The following MAP2K5 variants were observed in gnomAD, a reference collection of about 807,000 sequenced individuals.
MAP2K5 encodes the protein mitogen-activated protein kinase kinase 5, also known as dual specificity mitogen-activated protein kinase kinase 5.
A neutral mutation model predicts 83.1 loss-of-function variants in MAP2K5; 49 were observed. The ratio of observed to expected loss-of-function variants is 0.59; its 90% CI spans 0.47 to 0.75. The LOEUF is 0.75. Ranked by LOEUF, MAP2K5 falls within the 30% of genes least tolerant of loss-of-function variation. The probability of loss-of-function intolerance (pLI) is 0.00; values close to 1 mark genes in which losing one functional copy is unlikely to be tolerated. For synonymous variants in MAP2K5, 202 were observed against 191.8 expected, an observed-to-expected ratio of 1.05 and a Z score of -0.44; for missense variants, 457 against 557.5, an observed-to-expected ratio of 0.82 and a Z score of 1.82.
chr15:67,799,575 T>C (rs767227771), intron 21 of MAP2K5, among the ~76,000 whole-genome samples: 1 of 152,256 alleles, frequency 6.6e-6, no homozygotes, highest in Admixed American at 6.5e-5. Context: ...TCAGCTTTAC[T>C]TCTATACAAA....
Position 67,630,181 on chromosome 15 carries a change from C to A in MAP2K5, c.546-707C>A, listed in dbSNP as rs114150257. On this transcript the variant is annotated intron_variant, in intron 8 of 21. Coordinates refer to ENST00000178640, the MANE Select transcript of MAP2K5 (RefSeq NM_145160.3). Reference sequence around the variant, plus strand: ...CTGAGGAGTTTGAGGCTGCAGTGATCTGTGATTATGCCACTGTGTTCCAGC... The same window carrying A: ...CTGAGGAGTTTGAGGCTGCAGTGATATGTGATTATGCCACTGTGTTCCAGC... 8.2e-3 allele frequency among the ~76,000 whole-genome samples: 1,248 copies of A among 152,294 alleles called. 21 individuals carry two copies. Among genetic ancestry groups the A allele is most frequent in the African/African-American group, 0.029 (1,199 of 41,564 alleles).
At position 67,640,579 on chromosome 15, in the gene MAP2K5, G is replaced by A. The variant is rs779067336; in HGVS notation, c.586-5652G>A. The A allele has an allele frequency of 4.1e-6, 4 of 985,046 alleles. No individual in the cohort carries two copies. Among genetic ancestry groups the A allele is most frequent in the African/African-American group, 1.7e-5 (1 of 57,212 alleles). 61.0% of individuals were successfully genotyped at this position (985,046 alleles called of 1,614,324 possible). ...AACTGAATCACCTGCAGGGTCTGAC[G>A]CCTGCATGGAATGATGAGGGAAATT... On this transcript the variant is annotated intron_variant, in intron 9 of 21. Coordinates refer to ENST00000178640, the MANE Select transcript of MAP2K5 (RefSeq NM_145160.3). The surrounding 1 kb of genome is among the most constrained non-coding windows in gnomAD (Gnocchi z 4.6).
rs139510082 is a variant in MAP2K5, at chr15:67,562,798, G to A, written c.185-485G>A. On this transcript the variant is annotated intron_variant, in intron 2 of 21. Coordinates refer to ENST00000178640, the MANE Select transcript of MAP2K5 (RefSeq NM_145160.3). This position sits in a 1 kb window ranked among gnomAD's most constrained non-coding sequence, Gnocchi z 4.1. Reference sequence around the variant, plus strand: ...AGGTTTTCAAGGAGGTATTGCATATGAAGCATAGATCACAGTGCCTCATGT... The same window carrying A: ...AGGTTTTCAAGGAGGTATTGCATATAAAGCATAGATCACAGTGCCTCATGT... Among the ~76,000 whole-genome samples, 7 of 152,298 alleles carry A rather than the reference G, an allele frequency of 4.6e-5. No homozygotes were observed. The highest frequency in any genetic ancestry group is 1.3e-4 in the Admixed American group (2 of 15,292).
chr15:67,789,444 G>A (rs1201603824), intron 21 of MAP2K5, among the ~76,000 whole-genome samples: 3 of 152,246 alleles, frequency 2.0e-5, no homozygotes, highest in Admixed American at 6.5e-5. Flanking sequence ...TTGGCCAGGC[G>A]TGGCGGCTTA....
intron 13 of MAP2K5, among the ~76,000 whole-genome samples, chr15:67,682,552 G>A (rs149480890): frequency 0.01 from 1,560 of 151,332 alleles, 33 homozygotes; most frequent in African/African-American, 0.036. Flanking sequence ...GCTGTAGGTT[G>A]GCTGGATGTG....
chr15:67,787,396 C>T (rs897097716), intron 21 of MAP2K5, among the ~76,000 whole-genome samples: 4 of 152,150 alleles, frequency 2.6e-5, no homozygotes, highest in Admixed American at 1.3e-4. Flanking sequence ...TCTAGCTAGC[C>T]GTCATTTTAA....
intron 9 of MAP2K5, among the ~76,000 whole-genome samples, chr15:67,641,844 G>A (rs1228529292): frequency 4.6e-5 from 7 of 152,150 alleles, no homozygotes; most frequent in African/African-American, 1.4e-4. Context: ...CTTCAAATAA[G>A]GAATTGGATT....
In MAP2K5 at chr15:67,769,767, A is replaced by G. The variant is rs2090107316; in HGVS notation, c.1196+104A>G. 7 of 1,131,906 alleles carry G rather than the reference A, an allele frequency of 6.2e-6. No homozygotes were observed. Among genetic ancestry groups the G allele is most frequent in the Non-Finnish European group, 9.2e-6 (7 of 763,150 alleles). The allele number at this position is 1,131,906 out of a possible 1,614,324, so 70.1% of individuals were successfully genotyped here. On this transcript the variant is annotated intron_variant, in intron 20 of 21. Coordinates refer to ENST00000178640, the MANE Select transcript of MAP2K5 (RefSeq NM_145160.3). The surrounding 1 kb of genome is among the most constrained non-coding windows in gnomAD (Gnocchi z 5.2). ...TGGCTCTCCCTGCATCCTTTTGGAG[A>G]CAGGAGGGACTTCGGGGCCTTGGGC...
Position 67,547,077 on chromosome 15 carries a change from AAC to A in MAP2K5, c.136-2927_136-2926del, listed in dbSNP as rs59269114. Reference sequence around the variant, plus strand: ...GAGACCCTATCTCAAAAAAGAAGAAAACACACACACACACACACACACACACA... The same window carrying A: ...GAGACCCTATCTCAAAAAAGAAGAAAACACACACACACACACACACACACA... On this transcript the variant is annotated intron_variant, in intron 1 of 21. Transcript: ENST00000178640. Among the ~76,000 whole-genome samples the A allele has an allele frequency of 7.1e-3, 1,020 of 144,192 alleles. 9 individuals are homozygous for A. The highest frequency in any genetic ancestry group is 0.01 in the Non-Finnish European group (688 of 66,174). The allele number at this position is 144,192 out of a possible 152,430, so 94.6% of individuals were successfully genotyped here.
In MAP2K5 at chr15:67,744,118, T is replaced by G. The variant is rs191784342; in HGVS notation, c.1075-4113T>G. On this transcript the variant is annotated intron_variant, in intron 17 of 21. Transcript: ENST00000178640. Reference sequence around the variant, plus strand: ...CTCTGGGGTTCCTTCCTTTCATAAATACTTTGGATCATAATTCTTCATTTA... The same window carrying G: ...CTCTGGGGTTCCTTCCTTTCATAAAGACTTTGGATCATAATTCTTCATTTA... Among the ~76,000 whole-genome samples the G allele has an allele frequency of 9.7e-4, 148 of 152,338 alleles. 1 individual carries two copies. Among genetic ancestry groups the G allele is most frequent in the African/African-American group, 3.4e-3 (143 of 41,584 alleles).
At chr15:67,566,997 C>G (rs934011842) in intron 3 of MAP2K5, among the ~76,000 whole-genome samples, 5 of 152,192 alleles carry the variant, frequency 3.3e-5, no homozygotes, top group African/African-American at 1.2e-4. Context: ...AAACCAAAGT[C>G]TGTTGTCACA....
chr15:67,745,154 C>T (rs570160298), intron 17 of MAP2K5, among the ~76,000 whole-genome samples: 1 of 152,190 alleles, frequency 6.6e-6, no homozygotes, highest in African/African-American at 2.4e-5. Flanking sequence ...TCCCAAAGTA[C>T]TAGTTAGACA....
chr15:67,691,209 C>T (rs957021203), intron 13 of MAP2K5, among the ~76,000 whole-genome samples: 1 of 152,180 alleles, frequency 6.6e-6, no homozygotes, highest in African/African-American at 2.4e-5. Context: ...GGCACTCTTT[C>T]AGGGGCTGGG....
At chr15:67,635,682 A>G (rs2086588155) in intron 9 of MAP2K5, among the ~76,000 whole-genome samples, 1 of 152,100 alleles carries the variant, frequency 6.6e-6, no homozygotes, top group Admixed American at 6.6e-5. Context: ...TTGTATGTCT[A>G]AAAATGTATA....
At chr15:67,550,839 T>A (rs2084494994) in intron 2 of MAP2K5, among the ~76,000 whole-genome samples, 1 of 152,036 alleles carries the variant, frequency 6.6e-6, no homozygotes, top group African/African-American at 2.4e-5. Flanking sequence ...TGGTGCGATC[T>A]TAGCTCACTG....
chr15:67,549,009 C>G, intron 1 of MAP2K5: 1 of 1,421,628 alleles, frequency 7.0e-7, no homozygotes, highest in Non-Finnish European at 9.1e-7. Flanking sequence ...AAGTTGCAGC[C>G]ACTCTGCTAA....
At chr15:67,693,644 G>A (rs927296228) in intron 15 of MAP2K5, 76 bp downstream of exon 15, 5 of 1,085,566 alleles carry the variant, frequency 4.6e-6, no homozygotes, top group Admixed American at 3.7e-5. Flanking sequence ...TATAATTCTT[G>A]AATTAATTCC....
Position 67,780,178 on chromosome 15 carries a change from C to T in MAP2K5, c.1242+7426C>T, listed in dbSNP as rs1294618225. 6.6e-6 allele frequency among the ~76,000 whole-genome samples: 1 copy of T among 152,114 alleles called. No individual in the cohort carries two copies. The highest frequency in any genetic ancestry group is 2.4e-5 in the African/African-American group (1 of 41,404). On this transcript the variant is annotated intron_variant, in intron 21 of 21. Transcript: ENST00000178640. The surrounding 1 kb of genome is among the most constrained non-coding windows in gnomAD (Gnocchi z 5.0). ...GTACAGCGGCTCTCAACACTAGCAGCTCATCAGAGTTACCTCAGAGGTTTA... is the reference window on the plus strand; with the variant it reads ...GTACAGCGGCTCTCAACACTAGCAGTTCATCAGAGTTACCTCAGAGGTTTA...
chr15:67,776,055 C>T (rs1379482577), intron 21 of MAP2K5, among the ~76,000 whole-genome samples: 1 of 152,146 alleles, frequency 6.6e-6, no homozygotes, highest in Non-Finnish European at 1.5e-5. Context: ...AGGGAGGTCC[C>T]TCATCCTTGG....
Sources: allele counts gnomAD v4.1 joint callset (sites outside exome capture counted in the v4.1 genomes callset), GRCh38; gene constraint gnomAD v4.1.1; non-coding constraint Gnocchi (gnomAD v3.1); transcripts MANE v1.5; gene names NCBI Gene and HGNC (gene_info 2026-07-23, HGNC 2026-07-21).